Variants in PARD3B observed in about 807,000 individuals in gnomAD.
The protein encoded by PARD3B is par-3 family cell polarity regulator beta.
PARD3B carries 103 observed loss-of-function variants against 130.2 expected under a neutral mutation model. The observed-to-expected ratio is 0.79, with a 90% CI of 0.67 to 0.93. The LOEUF is 0.93. Ranked by LOEUF, PARD3B falls within the 40% of genes least tolerant of loss-of-function variation. The pLI is 0.00. For synonymous variants in PARD3B, 583 were observed against 553.2 expected, an observed-to-expected ratio of 1.05 and a Z score of -0.76; for missense variants, 1,609 against 1,499.2, an observed-to-expected ratio of 1.07 and a Z score of -1.21.
At chr2:204,965,771 A>G (rs1473191449) in intron 3 of PARD3B, among the ~76,000 whole-genome samples, 2 of 152,214 alleles carry the variant, frequency 1.3e-5, no homozygotes, top group Non-Finnish European at 2.9e-5. Context: ...TAGTTTTGAA[A>G]TTCTTTTCTG....
intron 15 of PARD3B, among the ~76,000 whole-genome samples, chr2:205,227,497 ACTC>A (rs2038620219): frequency 6.6e-6 from 1 of 151,230 alleles, no homozygotes; most frequent in Non-Finnish European, 1.5e-5. Context: ...AAATATACCT[ACTC>A]CTGCTCTTTT....
At chr2:204,662,820 C>A (rs190117263) in intron 1 of PARD3B, among the ~76,000 whole-genome samples, 17 of 152,214 alleles carry the variant, frequency 1.1e-4, no homozygotes, top group Admixed American at 6.5e-4. Flanking sequence ...GTCCAAATGG[C>A]AACACAGTAA....
intron 18 of PARD3B, among the ~76,000 whole-genome samples, chr2:205,311,698 A>G (rs536132452): frequency 2.6e-5 from 4 of 152,352 alleles, no homozygotes; most frequent in African/African-American, 9.6e-5. Flanking sequence ...TGACATAGCT[A>G]AAATCATTCA....
intron 2 of PARD3B, among the ~76,000 whole-genome samples, chr2:204,918,594 C>T (rs1212807584): frequency 4.1e-5 from 6 of 145,884 alleles, no homozygotes; most frequent in Non-Finnish European, 7.4e-5. Flanking sequence ...CCCGCCACTG[C>T]ACTCCAGCCT....
intron 15 of PARD3B, among the ~76,000 whole-genome samples, chr2:205,203,439 C>G (rs951649421): frequency 6.7e-5 from 10 of 148,918 alleles, no homozygotes; most frequent in Non-Finnish European, 1.3e-4. Flanking sequence ...TATTTTTTTA[C>G]TATACTTTTA....
intron 16 of PARD3B, 144 bp downstream of exon 16, chr2:205,245,966 A>G (rs2039554518): frequency 4.6e-6 from 3 of 651,294 alleles, no homozygotes; most frequent in Admixed American, 2.4e-5. Flanking sequence ...TTCCACAAAG[A>G]TGACTTATTG....
chr2:204,839,299 A>G (rs1290606464), intron 2 of PARD3B, among the ~76,000 whole-genome samples: 1 of 152,184 alleles, frequency 6.6e-6, no homozygotes, highest in Non-Finnish European at 1.5e-5. Context: ...CAAGGCACAT[A>G]TCATCGTATC....
At chr2:205,018,749 A>AAAAG (rs1559359658) in intron 3 of PARD3B, among the ~76,000 whole-genome samples, 1 of 120,026 alleles carries the variant, frequency 8.3e-6, no homozygotes, top group Non-Finnish European at 1.8e-5. Context: ...AAAAAAAAAA[A>AAAAG]AGCACGCTGA....
rs192443619 is a variant in PARD3B, at chr2:204,563,829, A to C, written c.120+17710A>C. Among the ~76,000 whole-genome samples, 684 of 152,250 alleles carry C rather than the reference A, an allele frequency of 4.5e-3. 19 individuals are homozygous for C. Among genetic ancestry groups the C allele is most frequent in the Non-Finnish European group, 1.1e-3 (75 of 68,012 alleles). ...TGCTCTGTCACCCAGGCTAGAGTGCAGTGGCGCTATGTCGGCTCACTGCCA... is the reference window on the plus strand; with the variant it reads ...TGCTCTGTCACCCAGGCTAGAGTGCCGTGGCGCTATGTCGGCTCACTGCCA... On this transcript the variant is annotated intron_variant, in intron 1 of 22. Coordinates refer to ENST00000406610, the MANE Select transcript of PARD3B (RefSeq NM_001302769.2).
At chr2:205,147,437 G>T (rs2125687350) in intron 10 of PARD3B, among the ~76,000 whole-genome samples, 1 of 152,180 alleles carries the variant, frequency 6.6e-6, no homozygotes, top group Middle Eastern at 3.4e-3. Context: ...TTAAGGTACT[G>T]ACTAAATATT....
At chr2:204,940,521 G>A (rs1320100977) in intron 2 of PARD3B, among the ~76,000 whole-genome samples, 1 of 151,558 alleles carries the variant, frequency 6.6e-6, no homozygotes, top group African/African-American at 2.4e-5. Flanking sequence ...TTCTGTGTCT[G>A]GGGTTGATTT....
intron 20 of PARD3B, among the ~76,000 whole-genome samples, chr2:205,488,509 G>T (rs1376427302): frequency 6.6e-6 from 1 of 152,108 alleles, no homozygotes; most frequent in Admixed American, 6.6e-5. Context: ...TCTGCTTTAG[G>T]AGGATACTAT....
chr2:205,440,349 T>C lies in PARD3B; in HGVS notation c.2742-21T>C, dbSNP rs1327960693. ...ATATGAAACTCACATACATCTTTGC[T>C]ACCTGTACTGTATTTTTCAGGATTG... On this transcript the variant is annotated intron_variant, in intron 19 of 22. Transcript: ENST00000406610. This position sits in a 1 kb window ranked among gnomAD's most constrained non-coding sequence, Gnocchi z 4.2. The C allele has an allele frequency of 6.2e-7, 1 of 1,608,778 alleles. No homozygotes were observed. Among genetic ancestry groups the C allele is most frequent in the African/African-American group, 1.3e-5 (1 of 74,862 alleles).
intron 16 of PARD3B, among the ~76,000 whole-genome samples, chr2:205,296,549 C>T (rs768879749): frequency 2.6e-5 from 4 of 152,122 alleles, no homozygotes; most frequent in Non-Finnish European, 5.9e-5. Context: ...TGGCACCTCT[C>T]CAACTAGGTG....
At chr2:205,134,258 C>T (rs1453134185) in intron 10 of PARD3B, among the ~76,000 whole-genome samples, 3 of 151,836 alleles carry the variant, frequency 2.0e-5, no homozygotes, top group Non-Finnish European at 4.4e-5. Flanking sequence ...TGTGGTGGCT[C>T]ATGCCTGTAA....
intron 2 of PARD3B, among the ~76,000 whole-genome samples, chr2:204,791,423 G>T (rs1301399849): frequency 6.6e-6 from 1 of 152,028 alleles, no homozygotes; most frequent in Admixed American, 6.5e-5. Flanking sequence ...TAATAATCCT[G>T]GTGCAGTAGT....
At chr2:205,443,722 G>T (rs900114131) in intron 20 of PARD3B, among the ~76,000 whole-genome samples, 1 of 152,152 alleles carries the variant, frequency 6.6e-6, no homozygotes, top group African/African-American at 2.4e-5. Flanking sequence ...ACCCAGACAC[G>T]GAGCATGGGT....
intron 2 of PARD3B, among the ~76,000 whole-genome samples, chr2:204,948,429 A>G (rs1057042451): frequency 2.0e-5 from 3 of 152,238 alleles, no homozygotes; most frequent in African/African-American, 7.2e-5. Flanking sequence ...TGTCAAGTTT[A>G]GCTACATCAG....
intron 19 of PARD3B, among the ~76,000 whole-genome samples, chr2:205,436,632 G>C (rs1045361642): frequency 1.3e-5 from 2 of 151,612 alleles, no homozygotes; most frequent in African/African-American, 2.4e-5. Flanking sequence ...AAATAACATG[G>C]GCATAGTGGT....
Sources: allele counts gnomAD v4.1 joint callset (sites outside exome capture counted in the v4.1 genomes callset), GRCh38; gene constraint gnomAD v4.1.1; non-coding constraint Gnocchi (gnomAD v3.1); transcripts MANE v1.5; gene names NCBI Gene and HGNC (gene_info 2026-07-23, HGNC 2026-07-21).